PDGFD: variants seen among roughly 807,000 people sequenced by gnomAD.
PDGFD encodes platelet derived growth factor D, also known as platelet-derived growth factor D.
A neutral mutation model predicts 44.7 loss-of-function variants in PDGFD; 30 were observed. That is an observed-to-expected ratio of 0.67 (90% confidence interval 0.50 to 0.91). The LOEUF is 0.91. Ranked by LOEUF, PDGFD falls within the 40% of genes least tolerant of loss-of-function variation. The probability of loss-of-function intolerance (pLI) is 0.00; values close to 1 mark genes in which losing one functional copy is unlikely to be tolerated. For synonymous variants in PDGFD, 173 were observed against 168.4 expected (o/e 1.03, Z -0.21); for missense variants, 445 against 457.8 (o/e 0.97, Z 0.25).
intron 1 of PDGFD, among the ~76,000 whole-genome samples, chr11:104,067,053 T>A (rs933240962): frequency 6.6e-6 from 1 of 152,146 alleles, no homozygotes; most frequent in Non-Finnish European, 1.5e-5. Flanking sequence ...TCTCAACACT[T>A]TGTCATTCTT....
At chr11:103,958,440 T>C (rs951641001) in intron 3 of PDGFD, among the ~76,000 whole-genome samples, 3 of 152,226 alleles carry the variant, frequency 2.0e-5, no homozygotes, top group African/African-American at 7.2e-5. Flanking sequence ...TTAAAGATTG[T>C]ACTTTTGATA....
Position 103,943,476 on chromosome 11 carries a change from A to T in PDGFD, c.748T>A (p.Ser250Thr). ...CCTTTTGACTTCCGGTCATGGTATGACCTGCCTCGATACCGAGGGGTGTCC... is the reference window on the plus strand; with the variant it reads ...CCTTTTGACTTCCGGTCATGGTATGTCCTGCCTCGATACCGAGGGGTGTCC... ...YLDTPRYRGR[S>T]YHDRKSKVDL... is the part of the protein sequence containing the mutation. Residue 250 changes from serine to threonine, a missense_variant, in exon 5 of 7, where the codon TCA (serine) becomes ACA (threonine). By Grantham distance (58) the Ser-to-Thr change is moderately conservative. Transcript: ENST00000393158. The T allele has an allele frequency of 6.2e-7, 1 of 1,612,598 alleles. No individual in the cohort carries two copies. Among genetic ancestry groups the T allele is most frequent in the Non-Finnish European group, 8.5e-7 (1 of 1,179,402 alleles).
intron 1 of PDGFD, among the ~76,000 whole-genome samples, chr11:104,034,560 G>A (rs958531138): frequency 6.6e-6 from 1 of 152,070 alleles, no homozygotes; most frequent in Non-Finnish European, 1.5e-5. Context: ...AAACTAGGCA[G>A]AGGATATCGA....
At chr11:104,085,536 T>G (rs1052618463) in intron 1 of PDGFD, among the ~76,000 whole-genome samples, 1 of 152,160 alleles carries the variant, frequency 6.6e-6, no homozygotes, top group Non-Finnish European at 1.5e-5. Context: ...ATGTATTATA[T>G]AGACATTTTC....
At chr11:104,136,744 T>A (rs1323562709) in intron 1 of PDGFD, among the ~76,000 whole-genome samples, 1 of 152,210 alleles carries the variant, frequency 6.6e-6, no homozygotes, top group African/African-American at 2.4e-5. Context: ...ATACTAAATC[T>A]AAGTCAACAC....
At chr11:104,022,870 G>C (rs963395524) in intron 1 of PDGFD, among the ~76,000 whole-genome samples, 2 of 151,938 alleles carry the variant, frequency 1.3e-5, no homozygotes, top group Non-Finnish European at 2.9e-5. Flanking sequence ...TGCTGGTAAA[G>C]TTTCCTGAAC....
At chr11:103,959,399 T>C (rs910947398) in intron 3 of PDGFD, among the ~76,000 whole-genome samples, 21 of 152,198 alleles carry the variant, frequency 1.4e-4, no homozygotes, top group African/African-American at 5.1e-4. Context: ...TCCAGAGTCA[T>C]TTATGTGGTT....
chr11:104,028,253 T>C (rs1291464713), intron 1 of PDGFD, among the ~76,000 whole-genome samples: 1 of 151,640 alleles, frequency 6.6e-6, no homozygotes, highest in African/African-American at 2.4e-5. Flanking sequence ...AACTTGTATT[T>C]AGGATAATCC....
rs369754222 is a variant in PDGFD, at chr11:104,005,674, C to A, written c.125-5419G>T. ...CTTCATTTAATCCTCACAACAACCCCATGCCATTGGTATTATCCCCACTTT... is the reference window on the plus strand; with the variant it reads ...CTTCATTTAATCCTCACAACAACCCAATGCCATTGGTATTATCCCCACTTT... On this transcript the variant is annotated intron_variant, in intron 1 of 6. Coordinates refer to ENST00000393158, the MANE Select transcript of PDGFD (RefSeq NM_025208.5). Among the ~76,000 whole-genome samples, 27 of 152,302 alleles carry A rather than the reference C, an allele frequency of 1.8e-4. No individual in the cohort carries two copies. In the South Asian group the frequency reaches 5.6e-3, roughly 32 times the overall value.
At chr11:103,937,467 G>A (rs1405567099) in intron 5 of PDGFD, among the ~76,000 whole-genome samples, 2 of 152,072 alleles carry the variant, frequency 1.3e-5, no homozygotes, top group African/African-American at 4.8e-5. Context: ...ATTTAGAAAT[G>A]TTGAATTTTA....
intron 1 of PDGFD, among the ~76,000 whole-genome samples, chr11:104,089,900 G>A (rs1861186334): frequency 6.6e-6 from 1 of 152,124 alleles, no homozygotes; most frequent in African/African-American, 2.4e-5. Context: ...TCTATTGGTT[G>A]ACCATTGCTC....
Position 104,063,773 on chromosome 11 carries a change from A to G in PDGFD, c.125-63518T>C, listed in dbSNP as rs1860747908. Among the ~76,000 whole-genome samples the G allele has an allele frequency of 1.3e-5, 2 of 152,170 alleles. 1 individual carries two copies. The highest frequency in any genetic ancestry group is 2.9e-5 in the Non-Finnish European group (2 of 68,032). Reference sequence around the variant, plus strand: ...CAGATCTTGTGAGAACTCACTCACTATCATGAGAACAGTGTGGGGAACTCT... The same window carrying G: ...CAGATCTTGTGAGAACTCACTCACTGTCATGAGAACAGTGTGGGGAACTCT... On this transcript the variant is annotated intron_variant, in intron 1 of 6. Coordinates refer to ENST00000393158, the MANE Select transcript of PDGFD (RefSeq NM_025208.5).
chr11:103,968,584 T>C (rs1660772699), intron 3 of PDGFD, among the ~76,000 whole-genome samples: 1 of 152,192 alleles, frequency 6.6e-6, no homozygotes, highest in African/African-American at 2.4e-5. Flanking sequence ...AATTTCTTAA[T>C]CCTTCAAAGC....
In PDGFD at chr11:104,071,895, G is replaced by A. The variant is rs528216472; in HGVS notation, c.125-71640C>T. On this transcript the variant is annotated intron_variant, in intron 1 of 6. Transcript: ENST00000393158. ...ATGCCACCTTTATCATATATTCCAC[G>A]TGTACTGAGTCTATTTCTAGACTTT... Among the ~76,000 whole-genome samples the A allele has an allele frequency of 7.9e-5, 12 of 151,578 alleles. No homozygotes were observed. The South Asian group carries it at 2.1e-3, about 26-fold the overall frequency.
At chr11:104,023,096 G>C (rs1411404691) in intron 1 of PDGFD, among the ~76,000 whole-genome samples, 1 of 152,096 alleles carries the variant, frequency 6.6e-6, no homozygotes, top group Non-Finnish European at 1.5e-5. Flanking sequence ...GGGCTCCCCA[G>C]GGTGAAATGT....
intron 1 of PDGFD, among the ~76,000 whole-genome samples, chr11:104,097,225 C>A (rs1039245625): frequency 1.3e-5 from 2 of 152,158 alleles, no homozygotes; most frequent in Non-Finnish European, 2.9e-5. Flanking sequence ...GCAGGCCATG[C>A]ACTCTACCAA....
intron 3 of PDGFD, among the ~76,000 whole-genome samples, chr11:103,976,400 G>T (rs1859185976): frequency 6.6e-6 from 1 of 152,170 alleles, no homozygotes; most frequent in African/African-American, 2.4e-5. Context: ...CTTTGCTGAA[G>T]TTGCTTATCA....
Position 104,163,811 on chromosome 11 carries a change from C to A in PDGFD, c.117G>T (p.Arg39Ser). The change falls in exon 1 of 7, where the codon AGG (arginine) becomes AGT (serine). Residue 39 changes from arginine to serine, a missense_variant. By Grantham distance (110) the Arg-to-Ser change is moderately radical. Coordinates refer to ENST00000393158, the MANE Select transcript of PDGFD (RefSeq NM_025208.5). ...SIKALRNANLRRDESNHLTDL... is the reference protein window; with the variant it reads ...SIKALRNANLSRDESNHLTDL... ...ATAAAATGAGTCTCTTACCATCTCG[C>A]CTGAGGTTGGCGTTGCGCAAAGCTT... 1 of 1,543,190 alleles carries A rather than the reference C, an allele frequency of 6.5e-7. No homozygotes were observed. Among genetic ancestry groups the A allele is most frequent in the Non-Finnish European group, 8.8e-7 (1 of 1,132,070 alleles).
chr11:104,061,532 T>C (rs1250073934), intron 1 of PDGFD, among the ~76,000 whole-genome samples: 1 of 152,186 alleles, frequency 6.6e-6, no homozygotes, highest in East Asian at 1.9e-4. Context: ...ATAAACAAAA[T>C]GTGATATATT....
Sources: allele counts gnomAD v4.1 joint callset (sites outside exome capture counted in the v4.1 genomes callset), GRCh38; gene constraint gnomAD v4.1.1; transcripts MANE v1.5; gene names NCBI Gene and HGNC (gene_info 2026-07-23, HGNC 2026-07-21).